UBE4A: variants seen among roughly 807,000 people sequenced by gnomAD.
UBE4A encodes ubiquitination factor E4A, also known as ubiquitin conjugation factor E4 A.
A neutral mutation model predicts 117.9 loss-of-function variants in UBE4A; 48 were observed. That is an observed-to-expected ratio of 0.41 (90% CI 0.32 to 0.52). The LOEUF (loss-of-function observed/expected upper bound fraction) is 0.52, where lower values mean the gene tolerates loss of function less well. UBE4A is among the 20% of genes least tolerant of loss of function. The pLI, the probability that UBE4A is intolerant of heterozygous loss-of-function variation, is 0.33. For missense variants in UBE4A, 1,067 were observed against 1,296.3 expected, an observed-to-expected ratio of 0.82 and a Z score of 2.72; for synonymous variants, 407 against 450.0, an observed-to-expected ratio of 0.90 and a Z score of 1.21.
At chr11:118,374,715 CAG>C (rs1948636128) in intron 8 of UBE4A, among the ~76,000 whole-genome samples, 179 bp from the exon 9 acceptor site, 1 of 152,244 alleles carries the variant, frequency 6.6e-6, no homozygotes, top group South Asian at 2.1e-4. Context: ...GGCAGCTGAT[CAG>C]AAAATCTCTT....
chr11:118,379,490 T>A lies in UBE4A; in HGVS notation c.1616T>A (p.Leu539Gln). The A allele has an allele frequency of 2.5e-6, 4 of 1,614,166 alleles. No individual in the cohort carries two copies. Among genetic ancestry groups the A allele is most frequent in the Non-Finnish European group, 3.4e-6 (4 of 1,179,994 alleles). Residue 539 changes from leucine to glutamine, a missense_variant, in exon 11 of 20, where the codon CTG (leucine) becomes CAG (glutamine). By Grantham distance (113) the Leu-to-Gln change is moderately radical (BLOSUM62 -2). Coordinates refer to ENST00000252108, the MANE Select transcript of UBE4A (RefSeq NM_001204077.2). ...MVKINQNLHR[L>Q]QVAWRDAQQS... is the part of the protein sequence containing the mutation. ...AAAATCAACCAAAATCTGCATCGGC[T>A]GCAGGTTGCCTGGCGGGATGCTCAG...
chr11:118,394,848 G>A (rs1948854833), intron 19 of UBE4A, among the ~76,000 whole-genome samples: 3 of 145,742 alleles, frequency 2.1e-5, no homozygotes, highest in South Asian at 5.3e-4. Flanking sequence ...GCACATGCCT[G>A]TAGTCCTAGC....
chr11:118,397,364 T>C lies in UBE4A; in HGVS notation c.*924T>C, dbSNP rs1323005637. 1.3e-5 allele frequency: 2 copies of C among 152,230 alleles called. No homozygotes were observed. The highest frequency in any genetic ancestry group is 2.9e-5 in the Non-Finnish European group (2 of 68,044). 9.4% of individuals were successfully genotyped at this position (152,230 alleles called of 1,614,324 possible). On this transcript the variant is annotated 3_prime_UTR_variant, in exon 20 of 20. Transcript: ENST00000252108. ...TTATATTTTCTCTTCCATAGTGAGA[T>C]GTATGCAGTATGTGGCCATGTTTAC... is the stretch of plus-strand genomic sequence containing the variant.
intron 15 of UBE4A, among the ~76,000 whole-genome samples, 189 bp downstream of exon 15, chr11:118,385,134 T>C (rs1555127013): frequency 6.6e-6 from 1 of 152,090 alleles, no homozygotes; most frequent in Non-Finnish European, 1.5e-5. Flanking sequence ...GTTCATTCCA[T>C]TAGAGACCAA....
rs1010041428 is a variant in UBE4A, at chr11:118,379,833, T to C, written c.1876+83T>C. 3.5e-6 allele frequency: 5 copies of C among 1,431,358 alleles called. No homozygotes were observed. In the Admixed American group the frequency reaches 1.2e-4, roughly 35 times the overall value. The allele number at this position is 1,431,358 out of a possible 1,614,324, so 88.7% of individuals were successfully genotyped here. On this transcript the variant is annotated intron_variant, in intron 11 of 19. Coordinates refer to ENST00000252108, the MANE Select transcript of UBE4A (RefSeq NM_001204077.2). ...CACTTTGGAAGTTTAATCCTCAAAA[T>C]ACCCTTTCTTCGTTATCATTCAGTT...
At chr11:118,396,093 C>CA (rs377030115) in intron 19 of UBE4A, among the ~76,000 whole-genome samples, 2,282 of 80,478 alleles carry the variant, frequency 0.028, 40 homozygotes, top group African/African-American at 0.084. Context: ...AGACTGTCTC[C>CA]AAAAAAAAAA....
chr11:118,367,086 C>G (rs1948569594), intron 2 of UBE4A, among the ~76,000 whole-genome samples: 2 of 151,876 alleles, frequency 1.3e-5, no homozygotes, highest in African/African-American at 4.8e-5. Flanking sequence ...CGCCTGTAGT[C>G]CCAGCTACTT....
intron 16 of UBE4A, 137 bp downstream of exon 16, chr11:118,386,749 C>G (rs560320171): frequency 1.3e-5 from 13 of 990,026 alleles, no homozygotes; most frequent in Middle Eastern, 6.8e-4. Context: ...AAACGAATCA[C>G]TTGAGAAGCT....
chr11:118,361,310 G>A (rs1948519458), intron 1 of UBE4A, among the ~76,000 whole-genome samples: 1 of 152,144 alleles, frequency 6.6e-6, no homozygotes, highest in East Asian at 1.9e-4. Context: ...ATGACCTACT[G>A]CGCCCGGCGC....
intron 1 of UBE4A, among the ~76,000 whole-genome samples, chr11:118,359,938 A>G (rs1363602404): frequency 1.3e-5 from 2 of 152,144 alleles, no homozygotes; most frequent in Non-Finnish European, 2.9e-5. Context: ...CCGGAGCGCT[A>G]TCATTGCATT....
chr11:118,375,777 T>C (rs1207406735), intron 9 of UBE4A, among the ~76,000 whole-genome samples: 1 of 152,186 alleles, frequency 6.6e-6, no homozygotes, highest in African/African-American at 2.4e-5. Flanking sequence ...CATTCATTCA[T>C]AGTTTATAAA....
intron 16 of UBE4A, among the ~76,000 whole-genome samples, chr11:118,388,796 T>A (rs1479443169): frequency 6.6e-6 from 1 of 151,964 alleles, no homozygotes; most frequent in African/African-American, 2.4e-5. Flanking sequence ...ACTGGAAAAG[T>A]CAGCCATTAA....
Position 118,398,920 on chromosome 11 carries a change from T to C in UBE4A, c.*2480T>C. ...CACACTCTACAAAAGCTTCATTACT[T>C]TATTTGATGGTGGTTGCTAAGCAGC... is the stretch of plus-strand genomic sequence containing the variant. On this transcript the variant is annotated 3_prime_UTR_variant, in exon 20 of 20. Transcript: ENST00000252108. 1 of 284,202 alleles carries C rather than the reference T, an allele frequency of 3.5e-6. No homozygotes were observed. 17.6% of individuals were successfully genotyped at this position (284,202 alleles called of 1,614,324 possible).
intron 15 of UBE4A, 29 bp downstream of exon 15, chr11:118,384,974 A>C: frequency 6.7e-7 from 1 of 1,487,026 alleles, no homozygotes; most frequent in Non-Finnish European, 9.2e-7. Flanking sequence ...AAAAAGATTT[A>C]ACTTCTCCAT....
chr11:118,381,258 C>A, intron 11 of UBE4A, 133 bp from the exon 12 acceptor site: 2 of 1,055,506 alleles, frequency 1.9e-6, no homozygotes, highest in East Asian at 2.5e-5. Context: ...ACTTAACGAC[C>A]ATCTCTAGTA....
intron 10 of UBE4A, among the ~76,000 whole-genome samples, chr11:118,377,666 A>G (rs1948664835): frequency 7.0e-6 from 1 of 143,838 alleles, no homozygotes. Flanking sequence ...AATCCTTTGC[A>G]CTTTGGGAGG....
intron 19 of UBE4A, among the ~76,000 whole-genome samples, chr11:118,393,543 A>T (rs1948839439): frequency 1.3e-5 from 2 of 151,306 alleles, no homozygotes; most frequent in African/African-American, 4.9e-5. Context: ...AAGCGATCCA[A>T]CCGCCTCAGC....
At chr11:118,378,874 G>T (rs75987023) in intron 10 of UBE4A, 1 of 152,850 alleles carries the variant, frequency 6.5e-6, no homozygotes, top group East Asian at 1.9e-4. Flanking sequence ...GAGAATATTA[G>T]GCTGACCTTT....
In UBE4A at chr11:118,379,684, G is replaced by A. The variant is rs1555125972; in HGVS notation, c.1810G>A (p.Gly604Ser). The change falls in exon 11 of 20, where the codon GGC (glycine) becomes AGC (serine). Residue 604 changes from glycine (G) to serine (S), a missense_variant. Gly to Ser is a moderately conservative substitution (Grantham distance 56, BLOSUM62 0). This residue lies in a region of UBE4A where 1,001 missense variants were observed against 1,184.0 expected (regional missense o/e 0.85). Transcript: ENST00000252108. ...GGTTCAACTGGCCATAGGCAATGAGGGCTCACAGCCAATAGAGCTAACCTT... is the reference window on the plus strand; with the variant it reads ...GGTTCAACTGGCCATAGGCAATGAGAGCTCACAGCCAATAGAGCTAACCTT... ...LLVQLAIGNEGSQPIELTFPL... is the reference protein window; with the variant it reads ...LLVQLAIGNESSQPIELTFPL... 1 of 1,614,176 alleles carries A rather than the reference G, an allele frequency of 6.2e-7. No homozygotes were observed. Among genetic ancestry groups the A allele is most frequent in the Admixed American group, 1.7e-5 (1 of 60,030 alleles).
Sources: gnomAD v4.1 joint callset for allele counts (sites outside exome capture counted in the v4.1 genomes callset) on GRCh38, gnomAD v4.1.1 for gene constraint, gnomAD v4.1.1 regional missense constraint, MANE v1.5 for transcripts, NCBI Gene and HGNC (gene_info 2026-07-23, HGNC 2026-07-21) for gene names.